Variants in NSD1 observed in about 807,000 individuals in gnomAD.
NSD1 encodes the protein nuclear receptor binding SET domain protein 1.
NSD1 carries 26 observed loss-of-function variants against 242.7 expected under a neutral mutation model. That is an observed-to-expected ratio of 0.11 (90% CI 0.08 to 0.15). The LOEUF (loss-of-function observed/expected upper bound fraction) is 0.15, where lower values mean the gene tolerates loss of function less well. NSD1 is among the 10% of genes least tolerant of loss of function. The probability of loss-of-function intolerance (pLI) is 1.00; values close to 1 mark genes in which losing one functional copy is unlikely to be tolerated. For synonymous variants in NSD1, 1,106 were observed against 1,178.1 expected (o/e 0.94, Z 1.25); for missense variants, 2,495 against 3,272.8 (o/e 0.76, Z 5.80).
Position 177,191,990 on chromosome 5 carries a change from C to G in NSD1, c.1034C>G (p.Pro345Arg). Reference protein sequence around the residue: ...PWWPCRICSDPLINTHSKMKV... With the variant: ...PWWPCRICSDRLINTHSKMKV... ...TGGCCCTGCAGGATTTGTTCTGATC[C>G]GTTGATTAACACACATTCAAAAATG... is the stretch of plus-strand genomic sequence containing the variant. The change falls in exon 3 of 23, where the codon CCG becomes CGG. Residue 345 changes from proline (P) to arginine (R), a missense_variant. This residue lies in a region of NSD1 where 65 missense variants were observed against 136.2 expected (regional missense o/e 0.48). Coordinates refer to ENST00000439151, the MANE Select transcript of NSD1 (RefSeq NM_022455.5). 1 of 1,614,068 alleles carries G rather than the reference C, an allele frequency of 6.2e-7. No individual in the cohort carries two copies. Among genetic ancestry groups the G allele is most frequent in the Non-Finnish European group, 8.5e-7 (1 of 1,180,000 alleles).
In NSD1 at chr5:177,257,158, AT is replaced by A; in HGVS notation, c.4966+10del. ...AATGTTTCTGCATCTAAAGGTATGG[AT>A]TTCTTATGTGGACCAGTCTAATTGT... On this transcript the variant is annotated splice_region_variant and intron_variant, in intron 13 of 22. Coordinates refer to ENST00000439151, the MANE Select transcript of NSD1 (RefSeq NM_022455.5). 2 of 1,600,438 alleles carry A rather than the reference AT, an allele frequency of 1.2e-6. No homozygotes were observed. The highest frequency in any genetic ancestry group is 1.7e-6 in the Non-Finnish European group (2 of 1,170,972).
intron 2 of NSD1, among the ~76,000 whole-genome samples, chr5:177,147,474 A>G (rs574572948): frequency 3.3e-5 from 5 of 152,314 alleles, no homozygotes; most frequent in Admixed American, 1.3e-4. Context: ...CATTTCACAA[A>G]TGTTAGATAA....
At chr5:177,222,275 C>T (rs372639609) in intron 5 of NSD1, among the ~76,000 whole-genome samples, 25 of 152,104 alleles carry the variant, frequency 1.6e-4, no homozygotes, top group African/African-American at 2.4e-4. Flanking sequence ...ACTACAGGCG[C>T]GCACCACCAC....
chr5:177,274,582 G>GA (rs1423831283), intron 17 of NSD1, among the ~76,000 whole-genome samples: 1 of 152,128 alleles, frequency 6.6e-6, no homozygotes, highest in Non-Finnish European at 1.5e-5. Flanking sequence ...GGCCTGTTGA[G>GA]AAAAGGAGAT....
At chr5:177,203,123 T>C (rs1762626224) in intron 3 of NSD1, among the ~76,000 whole-genome samples, 1 of 152,210 alleles carries the variant, frequency 6.6e-6, no homozygotes, top group African/African-American at 2.4e-5. Context: ...ACATGGTTGT[T>C]ACAAGGGAAC....
intron 17 of NSD1, among the ~76,000 whole-genome samples, 160 bp downstream of exon 17, chr5:177,273,944 G>A (rs1169758498): frequency 1.3e-5 from 2 of 152,136 alleles, no homozygotes; most frequent in Non-Finnish European, 2.9e-5. Flanking sequence ...GGTGGCTCAC[G>A]CTTGTAATCC....
intron 2 of NSD1, among the ~76,000 whole-genome samples, chr5:177,190,371 C>T (rs1423937836): frequency 6.6e-6 from 1 of 152,138 alleles, no homozygotes; most frequent in Non-Finnish European, 1.5e-5. Flanking sequence ...CCTCTGCCTC[C>T]CTGGTTCAAG....
intron 2 of NSD1, among the ~76,000 whole-genome samples, chr5:177,158,245 C>CTTTCT (rs1441504966): frequency 9.0e-4 from 48 of 53,322 alleles, no homozygotes; most frequent in South Asian, 1.8e-3. Flanking sequence ...TAATTTCTTT[C>CTTTCT]TTTCTTTCTT....
At chr5:177,143,710 G>A (rs151257986) in intron 2 of NSD1, among the ~76,000 whole-genome samples, 163 of 152,122 alleles carry the variant, frequency 1.1e-3, no homozygotes, top group African/African-American at 3.8e-3. Flanking sequence ...ATGTCTCTAA[G>A]GCCCATTTCC....
intron 19 of NSD1, 27 bp downstream of exon 19, chr5:177,282,608 C>T (rs2127261136): frequency 6.9e-7 from 1 of 1,439,910 alleles, no homozygotes; most frequent in Non-Finnish European, 9.8e-7. Context: ...GCTGTTTTCA[C>T]TGTTACAAGA....
intron 2 of NSD1, among the ~76,000 whole-genome samples, chr5:177,191,136 A>G (rs1761661480): frequency 1.3e-5 from 2 of 151,274 alleles, no homozygotes; most frequent in African/African-American, 4.9e-5. Context: ...ACCCCCGGCT[A>G]ATTTTTGTAT....
intron 2 of NSD1, among the ~76,000 whole-genome samples, chr5:177,150,092 A>C (rs960847912): frequency 1.2e-4 from 18 of 151,926 alleles, no homozygotes; most frequent in Non-Finnish European, 2.5e-4. Context: ...GTGTCCCACC[A>C]TGCCTGGCTA....
In NSD1 at chr5:177,291,450, C is replaced by T. The variant is rs1026668369; in HGVS notation, c.6259-504C>T. On this transcript the variant is annotated intron_variant, in intron 21 of 22. Transcript: ENST00000439151. ...CGGGTGGGTCACAAGGTCAGGAGTT[C>T]GAGACCAGCTTAACCAATATGCTGA... Among the ~76,000 whole-genome samples the T allele has an allele frequency of 4.6e-5, 7 of 152,054 alleles. No homozygotes were observed. In the East Asian group the frequency reaches 5.8e-4, roughly 13 times the overall value.
chr5:177,277,416 G>A (rs1480002679), intron 17 of NSD1, among the ~76,000 whole-genome samples: 1 of 152,010 alleles, frequency 6.6e-6, no homozygotes, highest in East Asian at 1.9e-4. Flanking sequence ...TGGCAGAGTC[G>A]AGCTACATGT....
At chr5:177,188,280 T>C (rs1325087167) in intron 2 of NSD1, among the ~76,000 whole-genome samples, 1 of 152,214 alleles carries the variant, frequency 6.6e-6, no homozygotes, top group African/African-American at 2.4e-5. Context: ...CTTATTTTCA[T>C]GTTTAGAAGC....
intron 2 of NSD1, among the ~76,000 whole-genome samples, chr5:177,168,885 A>G (rs1221851929): frequency 6.6e-6 from 1 of 152,186 alleles, no homozygotes; most frequent in Admixed American, 6.6e-5. Context: ...AGATGCTTGA[A>G]GAAGTGGTAG....
rs1757803699 is a variant in NSD1, at chr5:177,269,734, C to T, written c.5436C>T (p.Val1812=). The T allele has an allele frequency of 1.2e-6, 2 of 1,613,950 alleles. No homozygotes were observed. The highest frequency in any genetic ancestry group is 1.7e-6 in the Non-Finnish European group (2 of 1,180,026). The change falls in exon 16 of 23, where the codon GTC becomes GTT. Residue 1812 remains valine, a synonymous_variant. Transcript: ENST00000439151. The surrounding 1 kb of genome is among the most constrained non-coding windows in gnomAD (Gnocchi z 5.1). ...ATTTGTGGACTCACCAGGCCCGAGT[C>T]TTCCCTTACATGGAGGGTGACGTGA... ...NDYLWTHQAR[V]FPYMEGDVSS...
chr5:177,192,554 G>A lies in NSD1; in HGVS notation c.1063+535G>A, dbSNP rs775666722. Among the ~76,000 whole-genome samples the A allele has an allele frequency of 4.6e-5, 7 of 152,034 alleles. No homozygotes were observed. The East Asian group carries it at 5.8e-4, about 13-fold the overall frequency. On this transcript the variant is annotated intron_variant, in intron 3 of 22. Coordinates refer to ENST00000439151, the MANE Select transcript of NSD1 (RefSeq NM_022455.5). ...TGGGATTGCAGGCATGTGCCACTAC[G>A]CCCAGCTAATTTTGTATTTTTAGTA...
Position 177,141,205 on chromosome 5 carries a change from A to G in NSD1, c.927+5175A>G, listed in dbSNP as rs558233401. Among the ~76,000 whole-genome samples the G allele has an allele frequency of 2.2e-4, 33 of 150,720 alleles. No individual in the cohort carries two copies. In the South Asian group the frequency reaches 7.0e-3, roughly 32 times the overall value. ...ACCAGCTAATTTTTATATTTTTAGT[A>G]GAGACGGGGTTTCACCATCTTGGCC... On this transcript the variant is annotated intron_variant, in intron 2 of 22. Transcript: ENST00000439151.
Sources: gnomAD v4.1 joint callset for allele counts (sites outside exome capture counted in the v4.1 genomes callset) on GRCh38, gnomAD v4.1.1 for gene constraint, gnomAD v4.1.1 regional missense constraint, Gnocchi (gnomAD v3.1) non-coding constraint, MANE v1.5 for transcripts, NCBI Gene and HGNC (gene_info 2026-07-23, HGNC 2026-07-21) for gene names.